Variants in SEC62 observed in about 807,000 individuals in gnomAD.
The protein encoded by SEC62 is translocation protein SEC62.
A neutral mutation model predicts 47.5 loss-of-function variants in SEC62; 10 were observed. The observed-to-expected ratio is 0.21, with a 90% CI of 0.13 to 0.36. The LOEUF (loss-of-function observed/expected upper bound fraction) is 0.36, where lower values mean the gene tolerates loss of function less well. SEC62 is among the 10% of genes least tolerant of loss of function. The pLI is 1.00. For synonymous variants in SEC62, 136 were observed against 150.5 expected, an observed-to-expected ratio of 0.90 and a Z score of 0.71; for missense variants, 327 against 464.1, an observed-to-expected ratio of 0.70 and a Z score of 2.71.
intron 1 of SEC62, 142 bp from the exon 2 acceptor site, chr3:169,975,466 T>C (rs1000626390): frequency 6.9e-5 from 37 of 538,646 alleles, no homozygotes; most frequent in Admixed American, 1.5e-4. Context: ...TTGAATACTT[T>C]ATTAGGTCGC....
rs920683772 is a variant in SEC62, at chr3:169,992,519, A to G, written c.731-75A>G. The G allele has an allele frequency of 2.9e-6, 3 of 1,018,284 alleles. No homozygotes were observed. The highest frequency in any genetic ancestry group is 4.4e-6 in the Non-Finnish European group (3 of 681,668). 63.1% of individuals were successfully genotyped at this position (1,018,284 alleles called of 1,614,324 possible). On this transcript the variant is annotated intron_variant, in intron 7 of 7. Coordinates refer to ENST00000337002, the MANE Select transcript of SEC62 (RefSeq NM_003262.4). The surrounding 1 kb of genome is among the most constrained non-coding windows in gnomAD (Gnocchi z 4.0). The stretch of plus-strand genomic sequence containing the variant: ...GTGCAGATAATAAAACTGTTTTCCC[A>G]GCTTTTTATTAACAAATACTCCCTT...
rs1343919925 is a variant in SEC62, at chr3:169,966,910, G to A, written c.36+52G>A. 3 of 1,545,088 alleles carry A rather than the reference G, an allele frequency of 1.9e-6. No homozygotes were observed. The African/African-American group carries it at 4.1e-5, about 21-fold the overall frequency. Reference sequence around the variant, plus strand: ...GGCTTCGGCGCGCTGGATAGTGGAAGGGGCGGGGAAAGCCCCCTAAAAGGG... The same window carrying A: ...GGCTTCGGCGCGCTGGATAGTGGAAAGGGCGGGGAAAGCCCCCTAAAAGGG... On this transcript the variant is annotated intron_variant, in intron 1 of 7. Transcript: ENST00000337002.
At chr3:169,978,342 T>C (rs962599626) in intron 3 of SEC62, among the ~76,000 whole-genome samples, 1 of 152,090 alleles carries the variant, frequency 6.6e-6, no homozygotes, top group Admixed American at 6.5e-5. Flanking sequence ...ACTTGTCTAG[T>C]TAGAATTAGC....
intron 2 of SEC62, among the ~76,000 whole-genome samples, chr3:169,976,119 G>A (rs1193920827): frequency 6.6e-6 from 1 of 152,136 alleles, no homozygotes; most frequent in Non-Finnish European, 1.5e-5. Flanking sequence ...AATTGCAGCT[G>A]GGTGTCGTGG....
At chr3:169,984,777 G>A (rs1198636864) in intron 5 of SEC62, among the ~76,000 whole-genome samples, 3 of 152,096 alleles carry the variant, frequency 2.0e-5, no homozygotes, top group East Asian at 1.9e-4. Flanking sequence ...GAAGAACCAC[G>A]TTGGAAAGAC....
intron 1 of SEC62, among the ~76,000 whole-genome samples, chr3:169,967,954 C>G (rs1188299222): frequency 6.6e-6 from 1 of 151,208 alleles, no homozygotes; most frequent in Non-Finnish European, 1.5e-5. Flanking sequence ...TAAAATTCTT[C>G]TGTAAACTTT....
rs770352966 is a variant in SEC62 at position 169,994,249 on chromosome 3, AC to A, written c.*1187del. The A allele has an allele frequency of 6.6e-5, 10 of 152,642 alleles. No individual in the cohort carries two copies. Among genetic ancestry groups the A allele is most frequent in the Non-Finnish European group, 1.3e-4 (9 of 68,028 alleles). The allele number at this position is 152,642 out of a possible 1,614,324, so 9.5% of individuals were successfully genotyped here. On this transcript the variant is annotated 3_prime_UTR_variant, in exon 8 of 8. Transcript: ENST00000337002. ...ACTTTACGTCTTATACATCTTAGTT[AC>A]AAGTCTTTGGAAACTCTTGTTTACT...
intron 1 of SEC62, chr3:169,968,565 A>G (rs1428953965): frequency 2.0e-5 from 3 of 151,948 alleles, no homozygotes; most frequent in South Asian, 2.1e-4. Flanking sequence ...AAAAAGAAAA[A>G]CTTTAAGATT....
At chr3:169,982,952 A>G in intron 4 of SEC62, 41 bp downstream of exon 4, 1 of 1,550,186 alleles carries the variant, frequency 6.5e-7, no homozygotes, top group African/African-American at 1.4e-5. Context: ...AAAAATCATT[A>G]TGTGCACATG....
chr3:169,966,885 G>T (rs1376297159), intron 1 of SEC62, 27 bp downstream of exon 1: 3 of 1,552,478 alleles, frequency 1.9e-6, no homozygotes, highest in Non-Finnish European at 1.7e-6. Context: ...CTGGGCAGGG[G>T]GCTTCGGCGC....
rs769148007 is a variant in SEC62, at chr3:169,983,264, G to A, written c.549+11G>A. The A allele has an allele frequency of 6.4e-7, 1 of 1,573,924 alleles. No individual in the cohort carries two copies. The highest frequency in any genetic ancestry group is 8.6e-7 in the Non-Finnish European group (1 of 1,157,518). ...CTGGATGGAAATGAGGTGAGAGTAAGCCTATAACTAGAAGTTCAGTTTTCT... is the reference window on the plus strand; with the variant it reads ...CTGGATGGAAATGAGGTGAGAGTAAACCTATAACTAGAAGTTCAGTTTTCT... On this transcript the variant is annotated intron_variant, in intron 5 of 7. Coordinates refer to ENST00000337002, the MANE Select transcript of SEC62 (RefSeq NM_003262.4).
chr3:169,981,780 C>T (rs756451099), intron 3 of SEC62, among the ~76,000 whole-genome samples: 28 of 151,998 alleles, frequency 1.8e-4, no homozygotes, highest in African/African-American at 1.9e-4. Flanking sequence ...AGAAGTTTAC[C>T]GTCTAGTGAA....
intron 1 of SEC62, among the ~76,000 whole-genome samples, chr3:169,971,111 C>T (rs971372912): frequency 3.3e-5 from 5 of 150,772 alleles, no homozygotes; most frequent in African/African-American, 1.2e-4. Flanking sequence ...CACTGTGGTG[C>T]CCAGGCTGGA....
intron 3 of SEC62, among the ~76,000 whole-genome samples, chr3:169,982,137 C>T (rs1264817375): frequency 6.6e-6 from 1 of 152,122 alleles, no homozygotes; most frequent in East Asian, 1.9e-4. Flanking sequence ...TGATGTTGTG[C>T]ACGTCCTTTT....
intron 6 of SEC62, among the ~76,000 whole-genome samples, chr3:169,987,132 A>G (rs2108286911): frequency 6.6e-6 from 1 of 152,272 alleles, no homozygotes; most frequent in South Asian, 2.1e-4. Context: ...TCCCATTCAA[A>G]ATAACTCTTT....
rs115909813 is a variant in SEC62 at position 169,976,206 on chromosome 3, A to G, written c.145+490A>G. 5.7e-3 allele frequency among the ~76,000 whole-genome samples: 865 copies of G among 152,194 alleles called. 8 individuals are homozygous for G. The highest frequency in any genetic ancestry group is 0.02 in the African/African-American group (825 of 41,522). ...GAGGCCAGGAGTTCGAGACCAGCCT[A>G]TGCAACACAATGAGACCCCATCTCT... On this transcript the variant is annotated intron_variant, in intron 2 of 7. Transcript: ENST00000337002.
At chr3:169,982,441 A>G (rs1714996792) in intron 3 of SEC62, among the ~76,000 whole-genome samples, 1 of 152,214 alleles carries the variant, frequency 6.6e-6, no homozygotes, top group African/African-American at 2.4e-5. Context: ...TCTCAAACCT[A>G]TAATCTCTTT....
rs374305703 is a variant in SEC62, at chr3:169,973,658, G to A, written c.37-1950G>A. Reference sequence around the variant, plus strand: ...AGCCTGGGAGACAGAGCAAGACTGCGTCTCAAAAAAAAAAAAAAAATCTAC... The same window carrying A: ...AGCCTGGGAGACAGAGCAAGACTGCATCTCAAAAAAAAAAAAAAAATCTAC... On this transcript the variant is annotated intron_variant, in intron 1 of 7. Coordinates refer to ENST00000337002, the MANE Select transcript of SEC62 (RefSeq NM_003262.4). Among the ~76,000 whole-genome samples, 90 of 140,932 alleles carry A rather than the reference G, an allele frequency of 6.4e-4. 1 individual carries two copies. Among genetic ancestry groups the A allele is most frequent in the African/African-American group, 2.2e-3 (78 of 34,784 alleles). The allele number at this position is 140,932 out of a possible 152,430, so 92.5% of individuals were successfully genotyped here.
chr3:169,967,028 G>A (rs570423840), intron 1 of SEC62, among the ~76,000 whole-genome samples, 170 bp downstream of exon 1: 4 of 152,362 alleles, frequency 2.6e-5, no homozygotes, highest in African/African-American at 9.6e-5. Flanking sequence ...GGGCCTGAGG[G>A]GGGGCGGTGT....
Sources: gnomAD v4.1 joint callset for allele counts (sites outside exome capture counted in the v4.1 genomes callset) on GRCh38, gnomAD v4.1.1 for gene constraint, Gnocchi (gnomAD v3.1) non-coding constraint, MANE v1.5 for transcripts, NCBI Gene and HGNC (gene_info 2026-07-23, HGNC 2026-07-21) for gene names.